FAM177A1: variants seen among roughly 807,000 people sequenced by gnomAD.
The protein encoded by FAM177A1 is protein FAM177A1.
FAM177A1 carries 22 observed loss-of-function variants against 26.1 expected under a neutral mutation model. The ratio of observed to expected loss-of-function variants is 0.84; its 90% confidence interval spans 0.60 to 1.20. FAM177A1 has a LOEUF of 1.20. Ranked by LOEUF, FAM177A1 falls within the 50% of genes most tolerant of loss-of-function variation. The pLI is 0.00. For missense variants in FAM177A1, 296 were observed against 291.1 expected (o/e 1.02, Z -0.12); for synonymous variants, 95 against 99.3 (o/e 0.96, Z 0.26).
intron 1 of FAM177A1, among the ~76,000 whole-genome samples, chr14:35,048,936 G>C (rs969690420): frequency 6.6e-6 from 1 of 150,904 alleles, no homozygotes; most frequent in East Asian, 1.9e-4. Context: ...TGTGGCCCAG[G>C]CTGGAGTGCA....
chr14:35,067,717 A>G lies in FAM177A1; in HGVS notation c.340-9433A>G, dbSNP rs529753522. On this transcript the variant is annotated intron_variant, in intron 2 of 4. Transcript: ENST00000280987. The stretch of plus-strand genomic sequence containing the variant: ...ATCTTTTATCTTTTTGATAATATCC[A>G]TTTTGACAGGTATGTGGTGATATCT... Among the ~76,000 whole-genome samples the G allele has an allele frequency of 2.2e-4, 34 of 152,154 alleles. No homozygotes were observed. In the South Asian group the frequency reaches 7.1e-3, roughly 32 times the overall value.
Position 35,081,343 on chromosome 14 carries a change from G to C in FAM177A1, c.*115G>C. ...ATTATTTATATTTTAAATTATTAAA[G>C]TATCTGGAAAGGGAAAATGTTTTCT... On this transcript the variant is annotated 3_prime_UTR_variant, in exon 5 of 5. Transcript: ENST00000280987. 1 of 1,029,536 alleles carries C rather than the reference G, an allele frequency of 9.7e-7. No homozygotes were observed. Among genetic ancestry groups the C allele is most frequent in the Non-Finnish European group, 1.3e-6 (1 of 749,054 alleles). The allele number at this position is 1,029,536 out of a possible 1,614,324, so 63.8% of individuals were successfully genotyped here. A position where few individuals can be genotyped will look rare whatever the true frequency, so the allele number is the denominator to read the frequency against.
chr14:35,046,892 T>C, intron 1 of FAM177A1: 2 of 1,294,026 alleles, frequency 1.5e-6, no homozygotes, highest in South Asian at 2.1e-5. Context: ...CAGCTTCTGG[T>C]CTACCAGAGG....
chr14:35,048,423 G>C (rs1237390177), intron 1 of FAM177A1, among the ~76,000 whole-genome samples: 1 of 151,896 alleles, frequency 6.6e-6, no homozygotes, highest in Non-Finnish European at 1.5e-5. Flanking sequence ...CAGTAAAGAA[G>C]GCTGTAGAAC....
At chr14:35,070,626 C>T (rs1190602439) in intron 2 of FAM177A1, among the ~76,000 whole-genome samples, 7 of 152,116 alleles carry the variant, frequency 4.6e-5, no homozygotes, top group Admixed American at 2.0e-4. Context: ...CCACACCCGG[C>T]GGAGCTACAA....
At chr14:35,067,010 T>C (rs2045250528) in intron 2 of FAM177A1, among the ~76,000 whole-genome samples, 1 of 152,192 alleles carries the variant, frequency 6.6e-6, no homozygotes, top group African/African-American at 2.4e-5. Context: ...CAGGCTAGTC[T>C]CAAACTCCCA....
At chr14:35,045,693 C>G (rs945163525), upstream of FAM177A1, among the ~76,000 whole-genome samples, 8 of 152,102 alleles carry the variant, frequency 5.3e-5, no homozygotes, top group Non-Finnish European at 1.2e-4. Context: ...TTTTTACTTT[C>G]GTTGAACATT....
chr14:35,059,028 C>T (rs185098680), intron 2 of FAM177A1, among the ~76,000 whole-genome samples: 160 of 152,132 alleles, frequency 1.1e-3, no homozygotes, highest in Middle Eastern at 3.4e-3. Flanking sequence ...CTCCGCCTCC[C>T]GGGTTCACGC....
chr14:35,072,434 C>CA (rs1305607581), intron 2 of FAM177A1, among the ~76,000 whole-genome samples: 41 of 152,154 alleles, frequency 2.7e-4, no homozygotes, highest in African/African-American at 8.9e-4. Flanking sequence ...GTTGGTCTTG[C>CA]TGTGTTAGGC....
intron 2 of FAM177A1, among the ~76,000 whole-genome samples, chr14:35,075,001 C>T (rs772666864): frequency 1.3e-5 from 2 of 152,094 alleles, no homozygotes; most frequent in Admixed American, 6.6e-5. Flanking sequence ...TGTGCCACTG[C>T]GTTCTAGCAT....
At chr14:35,065,696 A>ATTTTT (rs35125485) in intron 2 of FAM177A1, among the ~76,000 whole-genome samples, 81 of 139,152 alleles carry the variant, frequency 5.8e-4, no homozygotes, top group African/African-American at 2.1e-3. Context: ...ATAAGAAGCA[A>ATTTTT]TTTTTTTTTT....
chr14:35,079,076 G>A, intron 4 of FAM177A1, 52 bp downstream of exon 4: 1 of 1,389,184 alleles, frequency 7.2e-7, no homozygotes, highest in Non-Finnish European at 9.8e-7. Flanking sequence ...CTATGGACTT[G>A]ATGGGTTGCA....
chr14:35,067,112 A>G (rs1486633888), intron 2 of FAM177A1, among the ~76,000 whole-genome samples: 1 of 152,066 alleles, frequency 6.6e-6, no homozygotes, highest in Non-Finnish European at 1.5e-5. Flanking sequence ...TTTTTATTAA[A>G]CATATTTATT....
chr14:35,058,106 T>C (rs1279328673), intron 2 of FAM177A1, among the ~76,000 whole-genome samples: 1 of 152,068 alleles, frequency 6.6e-6, no homozygotes, highest in Non-Finnish European at 1.5e-5. Flanking sequence ...AGAGTTTCAC[T>C]CTTGTTGCCT....
rs778568602 is a variant in FAM177A1 at position 35,081,241 on chromosome 14, A to G, written c.*13A>G. On this transcript the variant is annotated 3_prime_UTR_variant, in exon 5 of 5. Transcript: ENST00000280987. ...TGTCCCACCATAAAATGAAATGACT[A>G]TCAAGCTTCAAACTCTTAAGTTTTT... The G allele has an allele frequency of 5.6e-6, 9 of 1,596,760 alleles. No individual in the cohort carries two copies. Among genetic ancestry groups the G allele is most frequent in the South Asian group, 1.2e-5 (1 of 86,274 alleles).
intron 2 of FAM177A1, among the ~76,000 whole-genome samples, chr14:35,074,596 G>A (rs548442979): frequency 2.4e-4 from 36 of 152,062 alleles, no homozygotes; most frequent in African/African-American, 8.4e-4. Flanking sequence ...AAAGTGCTGG[G>A]ATTACAGACG....
At chr14:35,045,503 A>C (rs1030364834), upstream of FAM177A1, among the ~76,000 whole-genome samples, 3 of 152,198 alleles carry the variant, frequency 2.0e-5, no homozygotes, top group Non-Finnish European at 2.9e-5. Context: ...TTCTGAATTG[A>C]GACTAGTATG....
At chr14:35,075,838 C>T (rs7140462) in intron 2 of FAM177A1, among the ~76,000 whole-genome samples, 23,899 of 152,138 alleles carry the variant, frequency 0.16, 2,054 homozygotes, top group Middle Eastern at 0.22. Flanking sequence ...CCAACAGACA[C>T]ATGAAAAAAT....
rs746133319 is a variant in FAM177A1 at position 35,070,114 on chromosome 14, CAAAAAAAAAAAAAAAAAAAAAAAAA to C, written c.340-7024_340-7000del. The stretch of plus-strand genomic sequence containing the variant: ...TGGGCGACAGAGTGAGACTCTGTCT[CAAAAAAAAAAAAAAAAAAAAAAAAA>C]AAAAAAAAAAAGAAGTGAAGACCTA... On this transcript the variant is annotated intron_variant, in intron 2 of 4. Coordinates refer to ENST00000280987, the MANE Select transcript of FAM177A1 (RefSeq NM_173607.5). Among the ~76,000 whole-genome samples the C allele has an allele frequency of 9.2e-3, 495 of 53,866 alleles. 9 individuals carry two copies. Among genetic ancestry groups the C allele is most frequent in the African/African-American group, 0.04 (479 of 12,102 alleles). 35.3% of individuals were successfully genotyped at this position (53,866 alleles called of 152,430 possible).
Sources: gnomAD v4.1 joint callset for allele counts (sites outside exome capture counted in the v4.1 genomes callset) on GRCh38, gnomAD v4.1.1 for gene constraint, MANE v1.5 for transcripts, NCBI Gene and HGNC (gene_info 2026-07-23, HGNC 2026-07-21) for gene names.